Variants in KIAA1328 observed in about 807,000 individuals in gnomAD.
KIAA1328 encodes the protein protein hinderin.
Under a neutral mutation model 68.1 loss-of-function variants are expected in KIAA1328, and 52 were observed. The ratio of observed to expected loss-of-function variants is 0.76; its 90% confidence interval spans 0.61 to 0.96. The LOEUF (loss-of-function observed/expected upper bound fraction) is 0.96. Among genes scored for constraint, KIAA1328 ranks in the 40% least tolerant of loss-of-function variants. KIAA1328 has a pLI of 0.00. For missense variants in KIAA1328, 641 were observed against 677.6 expected (o/e 0.95, Z 0.60); for synonymous variants, 232 against 239.4 (o/e 0.97, Z 0.28).
intron 6 of KIAA1328, among the ~76,000 whole-genome samples, chr18:37,006,474 TA>T (rs2053787454): frequency 6.6e-6 from 1 of 152,168 alleles, no homozygotes; most frequent in Non-Finnish European, 1.5e-5. Context: ...GTAAGTTATA[TA>T]AAACATTCTT....
chr18:36,934,100 G>T (rs142975887), intron 5 of KIAA1328, among the ~76,000 whole-genome samples: 2 of 152,122 alleles, frequency 1.3e-5, no homozygotes, highest in East Asian at 3.9e-4. Flanking sequence ...GATCCCAGAG[G>T]TCTGCAGCAA....
intron 7 of KIAA1328, among the ~76,000 whole-genome samples, chr18:37,115,337 CTGGGATG>C: frequency 6.6e-6 from 1 of 152,310 alleles, no homozygotes; most frequent in Admixed American, 6.5e-5. Flanking sequence ...GGCTTCATCC[CTGGGATG>C]CAAGGCTGGT....
chr18:37,068,668 C>A (rs564085528), intron 7 of KIAA1328, among the ~76,000 whole-genome samples: 20 of 152,244 alleles, frequency 1.3e-4, no homozygotes, highest in Admixed American at 5.9e-4. Context: ...CTAATTGGAT[C>A]ATTTGGGTGT....
chr18:37,071,464 G>A (rs1314809803), intron 7 of KIAA1328, among the ~76,000 whole-genome samples: 1 of 152,110 alleles, frequency 6.6e-6, no homozygotes, highest in Non-Finnish European at 1.5e-5. Context: ...ATTGAAAATA[G>A]TTGGGGGCAA....
At chr18:37,053,761 G>A (rs767547468) in intron 6 of KIAA1328, among the ~76,000 whole-genome samples, 32 of 152,062 alleles carry the variant, frequency 2.1e-4, no homozygotes, top group Non-Finnish European at 4.0e-4. Flanking sequence ...CAGCATGGGA[G>A]TAACCACCCC....
chr18:36,947,968 T>C (rs2050968989), intron 5 of KIAA1328, among the ~76,000 whole-genome samples: 1 of 152,146 alleles, frequency 6.6e-6, no homozygotes, highest in Admixed American at 6.5e-5. Context: ...TGGTCAATTG[T>C]GCCTGAATTC....
intron 8 of KIAA1328, among the ~76,000 whole-genome samples, chr18:37,166,558 C>T (rs576703786): frequency 1.3e-5 from 2 of 152,188 alleles, no homozygotes; most frequent in Non-Finnish European, 2.9e-5. Flanking sequence ...CTCTTCCCAG[C>T]GTGTCAGCAG....
At chr18:36,930,109 A>G (rs998822901) in intron 5 of KIAA1328, among the ~76,000 whole-genome samples, 1 of 152,094 alleles carries the variant, frequency 6.6e-6, no homozygotes, top group African/African-American at 2.4e-5. Context: ...GAGACAGTAC[A>G]TACTTCTCTT....
intron 7 of KIAA1328, among the ~76,000 whole-genome samples, chr18:37,071,057 CTTTTTTTTTTTTTTTT>C (rs58722044): frequency 1.4e-4 from 12 of 86,836 alleles, no homozygotes; most frequent in East Asian, 6.7e-4. Context: ...TTTTTTCTTC[CTTTTTTTTTTTTTTTT>C]TTTTTTTTTT....
At chr18:37,089,980 A>G (rs1417583150) in intron 7 of KIAA1328, among the ~76,000 whole-genome samples, 2 of 152,212 alleles carry the variant, frequency 1.3e-5, no homozygotes, top group Non-Finnish European at 2.9e-5. Context: ...GCTGTGCCCT[A>G]CCATTTGCTC....
intron 9 of KIAA1328, among the ~76,000 whole-genome samples, chr18:37,182,919 C>T (rs2059725101): frequency 6.6e-6 from 1 of 152,166 alleles, no homozygotes; most frequent in Admixed American, 6.5e-5. Context: ...CTTTGGGCAT[C>T]TAAAACAATA....
chr18:37,177,161 A>G (rs929341411), intron 9 of KIAA1328, among the ~76,000 whole-genome samples: 7 of 152,190 alleles, frequency 4.6e-5, no homozygotes, highest in African/African-American at 1.7e-4. Context: ...AAGAAGGCCT[A>G]TTACAGCTGT....
At chr18:37,175,970 G>GA (rs1362093018) in intron 9 of KIAA1328, among the ~76,000 whole-genome samples, 1 of 152,082 alleles carries the variant, frequency 6.6e-6, no homozygotes, top group African/African-American at 2.4e-5. Flanking sequence ...ATGTGCAGGT[G>GA]AAAAAAACAG....
intron 7 of KIAA1328, among the ~76,000 whole-genome samples, chr18:37,087,162 G>T (rs939592643): frequency 6.6e-6 from 1 of 152,042 alleles, no homozygotes; most frequent in Admixed American, 6.5e-5. Flanking sequence ...TGGGCTCAGT[G>T]ATCCTCCCCA....
chr18:37,096,943 A>T (rs191283289), intron 7 of KIAA1328, among the ~76,000 whole-genome samples: 69 of 151,966 alleles, frequency 4.5e-4, no homozygotes, highest in African/African-American at 1.3e-3. Context: ...CTTGTAAATT[A>T]GTTTGAGTTC....
chr18:37,156,591 A>G (rs2059158319), intron 7 of KIAA1328, among the ~76,000 whole-genome samples: 1 of 152,148 alleles, frequency 6.6e-6, no homozygotes, highest in African/African-American at 2.4e-5. Context: ...TCTTCAGTCA[A>G]TATCTGATGA....
At chr18:37,161,703 C>T (rs16968586) in intron 8 of KIAA1328, among the ~76,000 whole-genome samples, 21,999 of 152,208 alleles carry the variant, frequency 0.14, 1,674 homozygotes, top group African/African-American at 0.17. Context: ...CTAGTCACAA[C>T]TGGTGTGGTG....
intron 6 of KIAA1328, among the ~76,000 whole-genome samples, chr18:37,046,096 A>G (rs1241905781): frequency 1.3e-5 from 2 of 152,238 alleles, no homozygotes; most frequent in Non-Finnish European, 2.9e-5. Context: ...ACTGTATTCT[A>G]GATAATTTAG....
chr18:37,022,113 C>T (rs575917126), intron 6 of KIAA1328, among the ~76,000 whole-genome samples: 1 of 152,004 alleles, frequency 6.6e-6, no homozygotes, highest in East Asian at 1.9e-4. Flanking sequence ...ATTTACTTTG[C>T]ACTTGACCTG....
Sources: allele counts gnomAD v4.1 joint callset (sites outside exome capture counted in the v4.1 genomes callset), GRCh38; gene constraint gnomAD v4.1.1; transcripts MANE v1.5; gene names NCBI Gene and HGNC (gene_info 2026-07-23, HGNC 2026-07-21).